CDH23: variants seen among roughly 807,000 people sequenced by gnomAD.
The protein encoded by CDH23 is cadherin related 23, also known as cadherin-23.
CDH23 carries 189 observed loss-of-function variants against 317.1 expected under a neutral mutation model. The observed-to-expected ratio is 0.60, with a 90% CI of 0.53 to 0.67. The LOEUF (loss-of-function observed/expected upper bound fraction) is 0.67, where lower values mean the gene tolerates loss of function less well. Ranked by LOEUF, CDH23 falls within the 30% of genes least tolerant of loss-of-function variation. CDH23 has a pLI of 0.00. For synonymous variants in CDH23, 1,839 were observed against 1,876.8 expected (o/e 0.98, Z 0.52); for missense variants, 4,401 against 4,592.4 (o/e 0.96, Z 1.20).
chr10:71,462,061 C>T (rs1054625018), intron 3 of CDH23, among the ~76,000 whole-genome samples: 2 of 152,214 alleles, frequency 1.3e-5, no homozygotes, highest in Non-Finnish European at 2.9e-5. Context: ...TGGGGACCCA[C>T]CTGGTCGTTT....
chr10:71,812,028 C>A lies in CDH23; in HGVS notation c.9380+13C>A. 6.2e-7 allele frequency: 1 copy of A among 1,614,008 alleles called. No homozygotes were observed. Among genetic ancestry groups the A allele is most frequent in the East Asian group, 2.2e-5 (1 of 44,874 alleles). On this transcript the variant is annotated intron_variant, in intron 66 of 69. Transcript: ENST00000224721. Reference sequence around the variant, plus strand: ...ACTCCTTTGATGGGTGAGTGGGGTACTGGCCCTGCCCGGTCCCCTGCGGGG... The same window carrying A: ...ACTCCTTTGATGGGTGAGTGGGGTAATGGCCCTGCCCGGTCCCCTGCGGGG...
chr10:71,467,620 C>T lies in CDH23; in HGVS notation c.145+21225C>T, dbSNP rs574311431. On this transcript the variant is annotated intron_variant, in intron 3 of 69. Transcript: ENST00000224721. ...GGGGGTTCAAATCTGACTCTGCCGCCACCACCTGTGTGCCTTTAGACAAGG... is the reference window on the plus strand; with the variant it reads ...GGGGGTTCAAATCTGACTCTGCCGCTACCACCTGTGTGCCTTTAGACAAGG... 5.0e-4 allele frequency among the ~76,000 whole-genome samples: 76 copies of T among 152,298 alleles called. 1 individual carries two copies. The South Asian group carries it at 9.5e-3, about 19-fold the overall frequency.
Position 71,785,074 on chromosome 10 carries a change from G to A in CDH23, c.5686G>A (p.Glu1896Lys), listed in dbSNP as rs1483080564. The change falls in exon 43 of 70, where the codon GAG (glutamate) becomes AAG (lysine). Residue 1896 changes from glutamate (E) to lysine (K), a missense_variant. Glu to Lys is a moderately conservative substitution (Grantham distance 56, BLOSUM62 1). Coordinates refer to ENST00000224721, the MANE Select transcript of CDH23 (RefSeq NM_022124.6). ...CTTCAACATCACTGCGGGCAACCGC[G>A]AGCGGGCCTTCTTCATCAATGCCAC... is the stretch of plus-strand genomic sequence containing the variant. ...LTFNITAGNR[E>K]RAFFINATTG... is the part of the protein sequence containing the mutation. 39 of 1,613,904 alleles carry A rather than the reference G, an allele frequency of 2.4e-5. No individual in the cohort carries two copies. Among genetic ancestry groups the A allele is most frequent in the Non-Finnish European group, 2.8e-5 (33 of 1,179,864 alleles).
At chr10:71,669,566 G>A (rs1450327162) in intron 14 of CDH23, among the ~76,000 whole-genome samples, 8 of 151,810 alleles carry the variant, frequency 5.3e-5, no homozygotes, top group African/African-American at 1.9e-4. Context: ...TCCAGCCTCA[G>A]CCTCCTGAGT....
intron 1 of CDH23, among the ~76,000 whole-genome samples, chr10:71,405,384 A>G (rs988113498): frequency 2.7e-5 from 4 of 150,012 alleles, no homozygotes; most frequent in African/African-American, 9.8e-5. Context: ...CAGACACTCT[A>G]TGGGGGCCTA....
At chr10:71,642,454 A>C (rs1291572818) in intron 11 of CDH23, among the ~76,000 whole-genome samples, 3 of 128,812 alleles carry the variant, frequency 2.3e-5, no homozygotes, top group Non-Finnish European at 4.7e-5. Context: ...ACTGGAGTGC[A>C]ATGGCATGAT....
chr10:71,772,735 G>A (rs565419505), intron 38 of CDH23, among the ~76,000 whole-genome samples: 3 of 152,324 alleles, frequency 2.0e-5, no homozygotes, highest in Middle Eastern at 6.8e-3. Flanking sequence ...CTGAGTGGCA[G>A]CCTTGCTAGG....
chr10:71,701,713 A>AAAGG (rs1401668646), intron 22 of CDH23, among the ~76,000 whole-genome samples: 1 of 152,058 alleles, frequency 6.6e-6, no homozygotes, highest in Non-Finnish European at 1.5e-5. Flanking sequence ...CTAATGCTTC[A>AAAGG]AAGGAAGGAA....
intron 3 of CDH23, among the ~76,000 whole-genome samples, chr10:71,473,135 G>A (rs901176666): frequency 3.9e-5 from 6 of 152,214 alleles, no homozygotes; most frequent in Non-Finnish European, 8.8e-5. Flanking sequence ...CAATAGCACA[G>A]TCAAGGTCTG....
chr10:71,743,120 G>T (rs1051798284), intron 38 of CDH23, among the ~76,000 whole-genome samples: 2 of 152,170 alleles, frequency 1.3e-5, no homozygotes, highest in Non-Finnish European at 2.9e-5. Context: ...ACCACAATCT[G>T]TTGGCCAAAG....
chr10:71,715,839 G>A, intron 28 of CDH23: 1 of 1,243,978 alleles, frequency 8.0e-7, no homozygotes, highest in African/African-American at 1.6e-5. Flanking sequence ...GACTGCTTGG[G>A]CCACTGTCTT....
At chr10:71,529,871 C>T (rs1855260690) in intron 6 of CDH23, among the ~76,000 whole-genome samples, 1 of 152,090 alleles carries the variant, frequency 6.6e-6, no homozygotes, top group African/African-American at 2.4e-5. Context: ...CCCCTCTCAC[C>T]CAGCCTGGGG....
chr10:71,675,287 T>C, intron 15 of CDH23, 111 bp downstream of exon 15: 1 of 874,924 alleles, frequency 1.1e-6, no homozygotes, highest in Non-Finnish European at 1.8e-6. Context: ...TGCTGGGTCC[T>C]GTGGCTAGAG....
chr10:71,586,507 A>C (rs17635977), intron 9 of CDH23, among the ~76,000 whole-genome samples: 44,665 of 151,932 alleles, frequency 0.29, 7,891 homozygotes, highest in Non-Finnish European at 0.42. Flanking sequence ...TAGCCTTAAT[A>C]ATATTGTGGA....
chr10:71,490,970 T>C (rs1252646316), intron 3 of CDH23, among the ~76,000 whole-genome samples: 3 of 151,794 alleles, frequency 2.0e-5, no homozygotes, highest in Non-Finnish European at 4.4e-5. Context: ...AGATCACACC[T>C]CTGCACTCCA....
chr10:71,781,977 C>T (rs1840968771), intron 41 of CDH23, among the ~76,000 whole-genome samples: 1 of 152,202 alleles, frequency 6.6e-6, no homozygotes, highest in Non-Finnish European at 1.5e-5. Context: ...CTACAGCCAG[C>T]ACCGCTGTCT....
chr10:71,530,630 A>C (rs1324143873), intron 6 of CDH23, among the ~76,000 whole-genome samples: 1 of 152,172 alleles, frequency 6.6e-6, no homozygotes, highest in Non-Finnish European at 1.5e-5. Flanking sequence ...AGCACCTACA[A>C]TTCCGACAGC....
chr10:71,737,911 C>T, intron 34 of CDH23: 2 of 430,252 alleles, frequency 4.6e-6, no homozygotes, highest in Non-Finnish European at 9.5e-6. Context: ...ATGCCTTCCC[C>T]ATCTGCCCTT....
intron 15 of CDH23, among the ~76,000 whole-genome samples, chr10:71,675,665 G>A (rs1162545300): frequency 6.6e-6 from 1 of 152,176 alleles, no homozygotes. Flanking sequence ...CTTGTCCAAA[G>A]TCAGACAGCT....
Sources: allele counts gnomAD v4.1 joint callset (sites outside exome capture counted in the v4.1 genomes callset), GRCh38; gene constraint gnomAD v4.1.1; transcripts MANE v1.5; gene names NCBI Gene and HGNC (gene_info 2026-07-23, HGNC 2026-07-21).